ANO2: variants seen among roughly 807,000 people sequenced by gnomAD.
The protein encoded by ANO2 is anoctamin-2.
In ANO2, 101 loss-of-function variants were observed where a neutral mutation model predicts 124.2. The ratio of observed to expected loss-of-function variants is 0.81; its 90% CI spans 0.69 to 0.96. The LOEUF (loss-of-function observed/expected upper bound fraction) is 0.96. Among genes scored for constraint, ANO2 ranks in the 40% least tolerant of loss-of-function variants. The probability of loss-of-function intolerance (pLI) is 0.00; values close to 1 mark genes in which losing one functional copy is unlikely to be tolerated. For synonymous variants in ANO2, 486 were observed against 482.5 expected (o/e 1.01, Z -0.09); for missense variants, 1,293 against 1,274.5 (o/e 1.01, Z -0.22).
intron 14 of ANO2, among the ~76,000 whole-genome samples, chr12:5,656,136 G>C (rs981728642): frequency 1.6e-4 from 25 of 152,188 alleles, no homozygotes; most frequent in African/African-American, 5.8e-4. Flanking sequence ...TAAGAAGTTA[G>C]AGGGAACACA....
At chr12:5,889,929 A>C (rs969691567) in intron 3 of ANO2, among the ~76,000 whole-genome samples, 13 of 152,264 alleles carry the variant, frequency 8.5e-5, no homozygotes, top group Non-Finnish European at 1.9e-4. Context: ...CTAAAAGTCC[A>C]GAAAGGAAAG....
chr12:5,585,159 A>C (rs944823330), intron 20 of ANO2, among the ~76,000 whole-genome samples: 5 of 151,956 alleles, frequency 3.3e-5, no homozygotes, highest in African/African-American at 1.2e-4. Context: ...GCTCCACGTG[A>C]AGAACAAGTA....
intron 16 of ANO2, among the ~76,000 whole-genome samples, chr12:5,618,754 G>A (rs914491585): frequency 3.9e-5 from 6 of 152,130 alleles, no homozygotes; most frequent in African/African-American, 1.4e-4. Flanking sequence ...TGTGTGTCAG[G>A]TGCCAGGCCA....
chr12:5,945,006 C>G (rs1943040918), intron 1 of ANO2, among the ~76,000 whole-genome samples, 190 bp downstream of exon 1: 1 of 152,116 alleles, frequency 6.6e-6, no homozygotes. Flanking sequence ...CAAAAAACGT[C>G]TCGGAAATTA....
chr12:5,791,863 C>T (rs1952707631), intron 10 of ANO2, among the ~76,000 whole-genome samples: 1 of 152,120 alleles, frequency 6.6e-6, no homozygotes, highest in Non-Finnish European at 1.5e-5. Context: ...TATGAAATTC[C>T]ACCACTTTAA....
intron 3 of ANO2, among the ~76,000 whole-genome samples, chr12:5,919,249 G>A (rs1177692377): frequency 6.6e-6 from 1 of 152,210 alleles, no homozygotes; most frequent in East Asian, 1.9e-4. Flanking sequence ...GCAGAGAGCT[G>A]AAGAGAGGGA....
chr12:5,937,204 A>G (rs1448849662), intron 1 of ANO2, among the ~76,000 whole-genome samples: 1 of 152,100 alleles, frequency 6.6e-6, no homozygotes, highest in Non-Finnish European at 1.5e-5. Flanking sequence ...CTTTTTCTCC[A>G]CATTCCTTCC....
rs1951337589 is a variant in ANO2, at chr12:5,748,565, T to A, written c.1190+2271A>T. 2.6e-5 allele frequency among the ~76,000 whole-genome samples: 4 copies of A among 152,212 alleles called. No homozygotes were observed. In the South Asian group the frequency reaches 8.3e-4, roughly 32 times the overall value. On this transcript the variant is annotated intron_variant, in intron 11 of 24. Transcript: ENST00000682330. ...ATATTGGACAATTTATGTGACCTCATGTAGCATAAGTTTCTCAATCTCTGT... is the reference window on the plus strand; with the variant it reads ...ATATTGGACAATTTATGTGACCTCAAGTAGCATAAGTTTCTCAATCTCTGT...
intron 3 of ANO2, among the ~76,000 whole-genome samples, chr12:5,867,676 C>T (rs146302053): frequency 6.8e-6 from 1 of 146,276 alleles, no homozygotes. Context: ...GCTTAAAGAA[C>T]TTGGATTATG....
At chr12:5,867,428 GA>G in intron 3 of ANO2, among the ~76,000 whole-genome samples, 1 of 152,302 alleles carries the variant, frequency 6.6e-6, no homozygotes, top group East Asian at 1.9e-4. Context: ...TTTAATGGAT[GA>G]AGTGAGAGAC....
chr12:5,649,035 C>T (rs1017024496), intron 14 of ANO2, among the ~76,000 whole-genome samples: 14 of 152,174 alleles, frequency 9.2e-5, no homozygotes, highest in African/African-American at 3.1e-4. Flanking sequence ...GATCTTGGTG[C>T]CACGCACAGT....
intron 20 of ANO2, among the ~76,000 whole-genome samples, chr12:5,593,470 A>G (rs1268536589): frequency 6.6e-6 from 1 of 152,210 alleles, no homozygotes; most frequent in African/African-American, 2.4e-5. Flanking sequence ...GAGTGTTTAG[A>G]GCTCAGGCTT....
chr12:5,861,975 T>C (rs1955284506), intron 3 of ANO2, among the ~76,000 whole-genome samples: 2 of 152,128 alleles, frequency 1.3e-5, no homozygotes, highest in Non-Finnish European at 2.9e-5. Flanking sequence ...TCCCATCTGC[T>C]CCATTTGAGG....
At chr12:5,803,196 G>C (rs1291079148) in intron 9 of ANO2, among the ~76,000 whole-genome samples, 5 of 152,124 alleles carry the variant, frequency 3.3e-5, no homozygotes, top group Non-Finnish European at 7.3e-5. Flanking sequence ...CTTAGCTTCT[G>C]CTCCCAGATG....
intron 16 of ANO2, among the ~76,000 whole-genome samples, chr12:5,632,563 G>T (rs150811815): frequency 1.2e-3 from 189 of 152,132 alleles, no homozygotes; most frequent in African/African-American, 4.3e-3. Context: ...AACAGCCCAG[G>T]GTAGCCGCTT....
chr12:5,842,907 T>C (rs75050123), intron 4 of ANO2, among the ~76,000 whole-genome samples: 10,561 of 152,020 alleles, frequency 0.069, 555 homozygotes, highest in African/African-American at 0.15. Flanking sequence ...TGAGAAGCAT[T>C]ACAGAAAACA....
Position 5,921,229 on chromosome 12 carries a change from G to A in ANO2, c.345C>T (p.Ala115=), listed in dbSNP as rs567022821. ...CCAGCGAGTGGCCAGGGAAGCCTTG[G>A]GCCAGGTGCACCCCGCGTTTCCGGT... ...YHYRKRGVHL[A]QGFPGHSLAI... Residue 115 remains alanine, a synonymous_variant, in exon 3 of 25, where the codon GCC becomes GCT. Transcript: ENST00000682330. 4.0e-5 allele frequency: 64 copies of A among 1,613,930 alleles called. 1 individual carries two copies. Among genetic ancestry groups the A allele is most frequent in the South Asian group, 3.8e-4 (35 of 91,058 alleles).
At chr12:5,610,214 TATAA>T (rs1591727610) in intron 19 of ANO2, among the ~76,000 whole-genome samples, 1 of 95,576 alleles carries the variant, frequency 1.0e-5, no homozygotes, top group African/African-American at 4.7e-5. Flanking sequence ...TAAATACTTA[TATAA>T]ATATATACTT....
chr12:5,803,871 A>G (rs879681196), intron 9 of ANO2, among the ~76,000 whole-genome samples: 3 of 152,204 alleles, frequency 2.0e-5, no homozygotes, highest in Non-Finnish European at 4.4e-5. Context: ...GACATTCTCT[A>G]GCGCCTCTTG....
Sources: allele counts gnomAD v4.1 joint callset (sites outside exome capture counted in the v4.1 genomes callset), GRCh38; gene constraint gnomAD v4.1.1; transcripts MANE v1.5; gene names NCBI Gene and HGNC (gene_info 2026-07-23, HGNC 2026-07-21).